CLIC5: variants seen among roughly 807,000 people sequenced by gnomAD.
CLIC5 encodes chloride intracellular channel protein 5.
A neutral mutation model predicts 24.7 loss-of-function variants in CLIC5; 20 were observed. That is an observed-to-expected ratio of 0.81 (90% CI 0.57 to 1.18). The LOEUF (loss-of-function observed/expected upper bound fraction) is 1.18, where lower values mean the gene tolerates loss of function less well. CLIC5 is among the 50% of genes most tolerant of loss of function. The pLI is 0.00. For synonymous variants in CLIC5, 159 were observed against 135.6 expected, an observed-to-expected ratio of 1.17 and a Z score of -1.20; for missense variants, 341 against 326.1, an observed-to-expected ratio of 1.05 and a Z score of -0.35.
At chr6:45,882,612 C>A (rs1762272909) in intron 6 of CLIC5, among the ~76,000 whole-genome samples, 1 of 152,180 alleles carries the variant, frequency 6.6e-6, no homozygotes, top group Non-Finnish European at 1.5e-5. Flanking sequence ...TACTGTAACT[C>A]ATTAATAGTA....
chr6:46,080,174 G>A, exon 1 of CLIC5: 1 of 1,551,626 alleles, frequency 6.4e-7, no homozygotes, highest in Non-Finnish European at 8.7e-7. Context: ...CTTCTGGCTG[G>A]TCTGGAACCT....
At chr6:45,881,979 TAAAA>T (rs5875939) in intron 6 of CLIC5, among the ~76,000 whole-genome samples, 3 of 148,202 alleles carry the variant, frequency 2.0e-5, no homozygotes, top group Non-Finnish European at 3.0e-5. Flanking sequence ...AGACTTCCTT[TAAAA>T]AAAAAAAAAA....
intron 1 of CLIC5, among the ~76,000 whole-genome samples, chr6:46,033,922 G>A (rs1218215031): frequency 1.3e-5 from 2 of 152,170 alleles, no homozygotes; most frequent in Non-Finnish European, 2.9e-5. Flanking sequence ...AAAATGCTAT[G>A]TTAATACAAG....
At chr6:45,910,151 G>C (rs372290035) in intron 5 of CLIC5, among the ~76,000 whole-genome samples, 2 of 151,390 alleles carry the variant, frequency 1.3e-5, no homozygotes, top group African/African-American at 4.8e-5. Context: ...TTTCTAACTT[G>C]TGGGCAGTGT....
chr6:45,901,589 G>GT lies in CLIC5; in HGVS notation c.*1498dup, dbSNP rs1457273290. 1 of 152,140 alleles carries GT rather than the reference G, an allele frequency of 6.6e-6. No individual in the cohort carries two copies. Among genetic ancestry groups the GT allele is most frequent in the Non-Finnish European group, 1.5e-5 (1 of 68,070 alleles). The allele number at this position is 152,140 out of a possible 1,614,324, so 9.4% of individuals were successfully genotyped here. A position where few individuals can be genotyped will look rare whatever the true frequency, so the allele number is the denominator to read the frequency against. On this transcript the variant is annotated 3_prime_UTR_variant, in exon 6 of 6. Transcript: ENST00000339561. ...CACTATAGAAGGGGGATTGTTGAAG[G>GT]TAAGGGCCTGTGGCAAATGGATTTT...
At chr6:46,085,275 G>T (rs542601644), upstream of CLIC5, among the ~76,000 whole-genome samples, 1 of 152,196 alleles carries the variant, frequency 6.6e-6, no homozygotes, top group Non-Finnish European at 1.5e-5. Flanking sequence ...CTCTCAACTC[G>T]TCAAAGTCAT....
chr6:45,919,953 G>A (rs1763189554), intron 4 of CLIC5, among the ~76,000 whole-genome samples: 1 of 152,114 alleles, frequency 6.6e-6, no homozygotes, highest in Admixed American at 6.5e-5. Context: ...TTTAAGCGCA[G>A]GGCTATTAGA....
At chr6:45,935,943 A>G (rs544545383) in intron 4 of CLIC5, among the ~76,000 whole-genome samples, 1 of 152,118 alleles carries the variant, frequency 6.6e-6, no homozygotes, top group African/African-American at 2.4e-5. Context: ...AAACAACAAC[A>G]ACAACAATAA....
At chr6:45,980,672 C>T (rs1425360807) in intron 1 of CLIC5, among the ~76,000 whole-genome samples, 1 of 151,392 alleles carries the variant, frequency 6.6e-6, no homozygotes, top group Non-Finnish European at 1.5e-5. Context: ...ATAGAGCATG[C>T]TGCAAAATGT....
At chr6:45,914,131 A>G (rs1762922933) in intron 5 of CLIC5, 97 bp downstream of exon 5, 1 of 1,007,164 alleles carries the variant, frequency 9.9e-7, no homozygotes, top group Non-Finnish European at 1.3e-6. Flanking sequence ...CAGGTTCTTG[A>G]CCAACAGGTG....
In CLIC5 at chr6:46,076,658, G is replaced by C. The variant is rs187004038; in HGVS notation, c.540+3045C>G. ...CCCATAAGACTCATTTCAGACTTCTGACCCCCAGAACTGTAAGAGAATATT... is the reference window on the plus strand; with the variant it reads ...CCCATAAGACTCATTTCAGACTTCTCACCCCCAGAACTGTAAGAGAATATT... On this transcript the variant is annotated intron_variant, in intron 1 of 5. Transcript: ENST00000185206. Among the ~76,000 whole-genome samples, 76 of 152,282 alleles carry C rather than the reference G, an allele frequency of 5.0e-4. No individual in the cohort carries two copies. The Middle Eastern group carries it at 0.02, about 41-fold the overall frequency.
the CLIC5 span, among the ~76,000 whole-genome samples, chr6:46,091,818 T>G: frequency 6.6e-6 from 1 of 152,196 alleles, no homozygotes; most frequent in Non-Finnish European, 1.5e-5. Flanking sequence ...TCAATAAGCA[T>G]GAGAGTGCAG....
downstream of CLIC5, among the ~76,000 whole-genome samples, chr6:45,896,978 A>G (rs779522442): frequency 6.6e-6 from 1 of 152,222 alleles, no homozygotes; most frequent in Non-Finnish European, 1.5e-5. Context: ...CTCGTGGGGT[A>G]AAAGAAAATC....
chr6:45,941,701 C>T (rs1171539309), intron 3 of CLIC5, 48 bp from the exon 4 acceptor site: 1 of 1,368,570 alleles, frequency 7.3e-7, no homozygotes, highest in South Asian at 1.2e-5. Flanking sequence ...CTTGGAGCTC[C>T]TTTAAGGGTG....
rs574800430 is a variant in CLIC5, at chr6:45,941,242, C to T, written c.406+305G>A. Among the ~76,000 whole-genome samples, 13 of 152,302 alleles carry T rather than the reference C, an allele frequency of 8.5e-5. No homozygotes were observed. The South Asian group carries it at 2.1e-3, about 24-fold the overall frequency. On this transcript the variant is annotated intron_variant, in intron 4 of 5. Coordinates refer to ENST00000339561, the MANE Select transcript of CLIC5 (RefSeq NM_016929.5). ...GACAAATGGGCAGTGAGGACCGTTC[C>T]GTGCAGTGCACTATGCTGTGCAATA...
intron 6 of CLIC5, among the ~76,000 whole-genome samples, chr6:45,884,406 A>G (rs1415435543): frequency 1.3e-5 from 2 of 152,154 alleles, no homozygotes; most frequent in Admixed American, 1.3e-4. Context: ...TCTAGGGAAA[A>G]AGTACTGCAT....
Position 45,903,214 on chromosome 6 carries a change from C to T in CLIC5, c.630G>A (p.Glu210=). Residue 210 remains glutamate, a synonymous_variant, in exon 6 of 6, where the codon GAG becomes GAA. Transcript: ENST00000339561. ...TGAGGTACCGCCACAGGCCTGTCAT[C>T]TCAGCCGGGATATCATAGTTGCGGT... ...KKYRNYDIPA[E]MTGLWRYLKN... is the part of the protein sequence containing the mutation. 6.2e-7 allele frequency: 1 copy of T among 1,611,052 alleles called. No individual in the cohort carries two copies. Among genetic ancestry groups the T allele is most frequent in the Non-Finnish European group, 8.5e-7 (1 of 1,178,712 alleles).
intron 1 of CLIC5, among the ~76,000 whole-genome samples, chr6:45,982,545 C>T (rs1192445035): frequency 6.6e-6 from 1 of 152,094 alleles, no homozygotes; most frequent in Non-Finnish European, 1.5e-5. Context: ...GGCTATAAAC[C>T]TGTCCAGCAT....
At chr6:46,090,930 T>C in the CLIC5 span, among the ~76,000 whole-genome samples, 1 of 152,198 alleles carries the variant, frequency 6.6e-6, no homozygotes, top group African/African-American at 2.4e-5. Flanking sequence ...CTCTTCAAAC[T>C]TGTGATCAAA....
Sources: allele counts gnomAD v4.1 joint callset (sites outside exome capture counted in the v4.1 genomes callset), GRCh38; gene constraint gnomAD v4.1.1; transcripts MANE v1.5; gene names NCBI Gene and HGNC (gene_info 2026-07-23, HGNC 2026-07-21).